UPF1: variants seen among roughly 807,000 people sequenced by gnomAD.
The protein encoded by UPF1 is UPF1 RNA helicase and ATPase, also known as regulator of nonsense transcripts 1.
UPF1 carries 9 observed loss-of-function variants against 129.2 expected under a neutral mutation model. The ratio of observed to expected loss-of-function variants is 0.07; its 90% CI spans 0.04 to 0.12. The LOEUF (loss-of-function observed/expected upper bound fraction) is 0.12, where lower values mean the gene tolerates loss of function less well. Ranked by LOEUF, UPF1 falls within the 10% of genes least tolerant of loss-of-function variation. The pLI is 1.00. For missense variants in UPF1, 788 were observed against 1,525.3 expected, an observed-to-expected ratio of 0.52 and a Z score of 8.05; for synonymous variants, 649 against 644.9, an observed-to-expected ratio of 1.01 and a Z score of -0.10.
chr19:18,834,278 G>A (rs537836266), intron 1 of UPF1, among the ~76,000 whole-genome samples: 1 of 152,368 alleles, frequency 6.6e-6, no homozygotes, highest in African/African-American at 2.4e-5. Flanking sequence ...GAGCGTGACA[G>A]CGCGGATCGG....
intron 13 of UPF1, 43 bp from the exon 14 acceptor site, chr19:18,856,834 G>A (rs577775077): frequency 3.2e-5 from 51 of 1,573,934 alleles, no homozygotes; most frequent in East Asian, 2.5e-4. Context: ...GTCTGGTGGC[G>A]TTTACAGTGC....
intron 6 of UPF1, 64 bp from the exon 7 acceptor site, chr19:18,852,923 T>G: frequency 1.8e-5 from 25 of 1,353,568 alleles, no homozygotes; most frequent in Non-Finnish European, 2.1e-5. Context: ...GCCTCGGGCA[T>G]GTGGAGGCCA....
rs370079636 is a variant in UPF1, at chr19:18,853,241, T to G, written c.1058-11T>G. 6.2e-7 allele frequency: 1 copy of G among 1,606,948 alleles called. No homozygotes were observed. The highest frequency in any genetic ancestry group is 8.5e-7 in the Non-Finnish European group (1 of 1,175,774). Reference sequence around the variant, plus strand: ...TTAAAATGGCCACCTCTCTCACTTTTTTACCTCAAGACATGCGGCTCATGC... The same window carrying G: ...TTAAAATGGCCACCTCTCTCACTTTGTTACCTCAAGACATGCGGCTCATGC... On this transcript the variant is annotated splice_polypyrimidine_tract_variant and intron_variant, in intron 7 of 23. Coordinates refer to ENST00000262803, the MANE Select transcript of UPF1 (RefSeq NM_002911.4). The surrounding 1 kb of genome is among the most constrained non-coding windows in gnomAD (Gnocchi z 4.4).
rs753661938 is a variant in UPF1, at chr19:18,865,316, C to T, written c.2885C>T (p.Thr962Ile). ...QGRPSSMYFQTHDQIGMISAG... is the reference protein window; with the variant it reads ...QGRPSSMYFQIHDQIGMISAG... ...CGGCCTTCCAGCATGTACTTCCAGACCCATGACCAGATTGGCATGATCAGT... is the reference window on the plus strand; with the variant it reads ...CGGCCTTCCAGCATGTACTTCCAGATCCATGACCAGATTGGCATGATCAGT... Residue 962 changes from threonine (T) to isoleucine (I), a missense_variant, in exon 21 of 24, where the codon ACC becomes ATC. By Grantham distance (89) the Thr-to-Ile change is moderately conservative. Around this residue, in one of 6 missense-constraint regions of UPF1, gnomAD observed 218 missense variants for 318.1 expected, o/e 0.69. Coordinates refer to ENST00000262803, the MANE Select transcript of UPF1 (RefSeq NM_002911.4). This position sits in a 1 kb window ranked among gnomAD's most constrained non-coding sequence, Gnocchi z 6.1. The T allele has an allele frequency of 6.2e-7, 1 of 1,612,862 alleles. No individual in the cohort carries two copies. Among genetic ancestry groups the T allele is most frequent in the Non-Finnish European group, 8.5e-7 (1 of 1,179,120 alleles).
rs940491226 is a variant in UPF1, at chr19:18,856,927, G to T, written c.1875G>T (p.Leu625=). 6.2e-7 allele frequency: 1 copy of T among 1,612,214 alleles called. No homozygotes were observed. The highest frequency in any genetic ancestry group is 1.3e-5 in the African/African-American group (1 of 74,848). The stretch of plus-strand genomic sequence containing the variant: ...GTGTGGGCGCCGGTGACCCGAGGCT[G>T]GCCAAGATGCAGTTCCGCTCCATTT... ...CTCVGAGDPR[L]AKMQFRSILI... The change falls in exon 14 of 24, where the codon CTG becomes CTT. Residue 625 remains leucine, a synonymous_variant. Coordinates refer to ENST00000262803, the MANE Select transcript of UPF1 (RefSeq NM_002911.4).
At chr19:18,833,591 G>A (rs1486885572) in intron 1 of UPF1, among the ~76,000 whole-genome samples, 1 of 152,010 alleles carries the variant, frequency 6.6e-6, no homozygotes, top group Non-Finnish European at 1.5e-5. Flanking sequence ...TGTTGCACCG[G>A]GGTCCTGGGG....
In UPF1 at chr19:18,850,360, A is replaced by C; in HGVS notation, c.629+118A>C. 7.1e-7 allele frequency: 1 copy of C among 1,405,742 alleles called. No individual in the cohort carries two copies. Among genetic ancestry groups the C allele is most frequent in the Non-Finnish European group, 9.5e-7 (1 of 1,054,120 alleles). 87.1% of individuals were successfully genotyped at this position (1,405,742 alleles called of 1,614,324 possible). ...AACTCCAGGGAGTTGTCCTCCAAAG[A>C]TGGTTTTTGCTGAAGGGTGAGGCAT... On this transcript the variant is annotated intron_variant, in intron 4 of 23. Transcript: ENST00000262803. This position sits in a 1 kb window ranked among gnomAD's most constrained non-coding sequence, Gnocchi z 7.1.
At chr19:18,860,175 G>C in intron 15 of UPF1, 146 bp from the exon 16 acceptor site, 1 of 826,910 alleles carries the variant, frequency 1.2e-6, no homozygotes, top group Non-Finnish European at 2.0e-6. Context: ...GACCGGCTCA[G>C]GTGACCTCAC....
intron 8 of UPF1, among the ~76,000 whole-genome samples, chr19:18,854,355 A>G (rs771093652): frequency 2.0e-5 from 3 of 152,142 alleles, no homozygotes; most frequent in Non-Finnish European, 2.9e-5. Flanking sequence ...GGGAGTGGCA[A>G]GGAGGAACTC....
At chr19:18,840,207 C>G (rs1056506222) in intron 1 of UPF1, among the ~76,000 whole-genome samples, 1 of 152,054 alleles carries the variant, frequency 6.6e-6, no homozygotes, top group Non-Finnish European at 1.5e-5. Flanking sequence ...CGGAGGACAC[C>G]GGGATCAGGG....
intron 19 of UPF1, 82 bp from the exon 20 acceptor site, chr19:18,864,088 C>T: frequency 1.6e-6 from 2 of 1,261,016 alleles, no homozygotes; most frequent in Non-Finnish European, 2.3e-6. Context: ...TGCATACCTG[C>T]CACCTCCCAG....
rs559185870 is a variant in UPF1 at position 18,860,886 on chromosome 19, G to A, written c.2361G>A (p.Pro787=). The change falls in exon 17 of 24, where the codon CCG becomes CCA. Residue 787 remains proline (P), a synonymous_variant. Transcript: ENST00000262803. ...AGTTGCTGAAGGCAGGCGCCAAGCC[G>A]GACCAGATTGGCATCATCACGCCCT... is the stretch of plus-strand genomic sequence containing the variant. ...TTKLLKAGAK[P]DQIGIITPYE... The A allele has an allele frequency of 8.7e-6, 14 of 1,609,436 alleles. No individual in the cohort carries two copies. The East Asian group carries it at 1.3e-4, about 15-fold the overall frequency.
intron 20 of UPF1, among the ~76,000 whole-genome samples, 158 bp downstream of exon 20, chr19:18,864,409 C>T (rs532297206): frequency 2.0e-5 from 3 of 152,376 alleles, no homozygotes; most frequent in South Asian, 2.1e-4. Flanking sequence ...TCTCTAGCCC[C>T]GGAACACTCC....
intron 1 of UPF1, among the ~76,000 whole-genome samples, chr19:18,843,978 G>A (rs1264889199): frequency 6.6e-6 from 1 of 151,852 alleles, no homozygotes; most frequent in Non-Finnish European, 1.5e-5. Flanking sequence ...GAGAACTCCC[G>A]GGCTCAAGCG....
In UPF1 at chr19:18,850,701, A is replaced by G. The variant is rs764227049; in HGVS notation, c.643A>G (p.Ser215Gly). ...VVLLCRQPCA[S>G]QSSLKDINWD... is the part of the protein sequence containing the mutation. ...CCCGCTCTGCAGGCAGCCCTGTGCC[A>G]GCCAGAGCAGCCTCAAGGACATCAA... The change falls in exon 5 of 24, where the codon AGC becomes GGC. Residue 215 changes from serine (S) to glycine (G), a missense_variant. Around this residue, in one of 6 missense-constraint regions of UPF1, gnomAD observed 227 missense variants for 517.9 expected, o/e 0.44. Coordinates refer to ENST00000262803, the MANE Select transcript of UPF1 (RefSeq NM_002911.4). This position sits in a 1 kb window ranked among gnomAD's most constrained non-coding sequence, Gnocchi z 7.1. 6.3e-7 allele frequency: 1 copy of G among 1,597,488 alleles called. No individual in the cohort carries two copies. The highest frequency in any genetic ancestry group is 2.2e-5 in the East Asian group (1 of 44,522).
chr19:18,848,215 A>G (rs1305942616), intron 3 of UPF1: 1 of 223,510 alleles, frequency 4.5e-6, no homozygotes, highest in Non-Finnish European at 9.1e-6. Context: ...GCCTGAGCTC[A>G]TCGGAGCTGT....
At position 18,850,766 on chromosome 19, in the gene UPF1, C is replaced by A; in HGVS notation, c.708C>A (p.Arg236=). 6.2e-6 allele frequency: 10 copies of A among 1,611,834 alleles called. No individual in the cohort carries two copies. The highest frequency in any genetic ancestry group is 8.5e-6 in the Non-Finnish European group (10 of 1,179,434). ...SSQWQPLIQD[R]CFLSWLVKIP... ...AGTGGCAGCCGCTGATCCAGGACCG[C>A]TGCTTCCTGTCCTGGCTGGTCAAGA... The change falls in exon 5 of 24, where the codon CGC becomes CGA. Residue 236 remains arginine, a synonymous_variant. Transcript: ENST00000262803. The surrounding 1 kb of genome is among the most constrained non-coding windows in gnomAD (Gnocchi z 7.1).
chr19:18,863,394 G>A, intron 18 of UPF1, 44 bp from the exon 19 acceptor site: 1 of 1,595,742 alleles, frequency 6.3e-7, no homozygotes, highest in Non-Finnish European at 8.6e-7. Flanking sequence ...CTGTGAGACG[G>A]GCAGCTCTCC....
At chr19:18,841,684 G>C (rs551410136) in intron 1 of UPF1, among the ~76,000 whole-genome samples, 27 of 152,332 alleles carry the variant, frequency 1.8e-4, no homozygotes, top group African/African-American at 6.5e-4. Context: ...TGCTGAAGGT[G>C]TGGAGTGGAT....
Sources: allele counts gnomAD v4.1 joint callset (sites outside exome capture counted in the v4.1 genomes callset), GRCh38; gene constraint gnomAD v4.1.1; regional missense constraint gnomAD v4.1.1; non-coding constraint Gnocchi (gnomAD v3.1); transcripts MANE v1.5; gene names NCBI Gene and HGNC (gene_info 2026-07-23, HGNC 2026-07-21).